The following EIPR1 variants were observed in gnomAD, a reference collection of about 807,000 sequenced individuals.
EIPR1 encodes the protein EARP and GARP complex-interacting protein 1.
A neutral mutation model predicts 48.1 loss-of-function variants in EIPR1; 25 were observed. The observed-to-expected ratio is 0.52, with a 90% CI of 0.38 to 0.73. EIPR1 has a LOEUF of 0.73. Among genes scored for constraint, EIPR1 ranks in the 30% least tolerant of loss-of-function variants. The pLI is 0.00. For synonymous variants in EIPR1, 204 were observed against 201.9 expected (o/e 1.01, Z -0.09); for missense variants, 415 against 506.2 (o/e 0.82, Z 1.73).
intron 1 of EIPR1, 137 bp downstream of exon 1, chr2:3,377,511 C>T (rs1413787276): frequency 1.7e-6 from 2 of 1,184,608 alleles, no homozygotes; most frequent in African/African-American, 1.5e-5. Flanking sequence ...GTTTACTTCT[C>T]TGCAAAATGG....
rs142043072 is a variant in EIPR1 at position 3,354,602 on chromosome 2, G to A, written c.74C>T (p.Thr25Ile). The A allele has an allele frequency of 2.4e-5, 39 of 1,614,100 alleles. No homozygotes were observed. The African/African-American group carries it at 4.9e-4, about 20-fold the overall frequency. ...CCCAACCAAAAACCGAATGGCATCT[G>A]TTTCTGCAGTTTGAGGTGTTAAGGC... ...ARALTPQTAE[T>I]DAIRFLVGTQ... Residue 25 changes from threonine (T) to isoleucine (I), a missense_variant, in exon 2 of 9, where the codon ACA becomes ATA. By Grantham distance (89) the Thr-to-Ile change is moderately conservative. Transcript: ENST00000382125.
chr2:3,373,641 G>T (rs1659769474), intron 1 of EIPR1, among the ~76,000 whole-genome samples: 2 of 152,244 alleles, frequency 1.3e-5, no homozygotes, highest in Non-Finnish European at 2.9e-5. Context: ...GCTTCAAAGA[G>T]AATAAAATAC....
intron 4 of EIPR1, among the ~76,000 whole-genome samples, chr2:3,219,014 C>G (rs554139141): frequency 1.3e-5 from 2 of 149,884 alleles, no homozygotes; most frequent in East Asian, 2.0e-4. Flanking sequence ...ACACTCAACA[C>G]GACCCTGGTA....
chr2:3,260,869 C>A (rs542185428), intron 3 of EIPR1, among the ~76,000 whole-genome samples: 15 of 152,304 alleles, frequency 9.8e-5, no homozygotes, highest in South Asian at 6.2e-4. Context: ...AAAAGACCAA[C>A]AATAGCAAGT....
chr2:3,248,057 G>A (rs936825611), intron 4 of EIPR1, among the ~76,000 whole-genome samples: 2 of 152,018 alleles, frequency 1.3e-5, no homozygotes, highest in Non-Finnish European at 2.9e-5. Flanking sequence ...GGAGGTATTG[G>A]GGCATGGGGG....
At position 3,192,547 on chromosome 2, in the gene EIPR1, G is replaced by C. The variant is rs1349410276; in HGVS notation, c.856C>G (p.Gln286Glu). The change falls in exon 8 of 9, where the codon CAG becomes GAG. Residue 286 changes from glutamine (Q) to glutamate (E), a missense_variant. Gln to Glu is a conservative substitution (Grantham distance 29). Transcript: ENST00000382125. ...TCACTGCTGCCCGTGAGGACCAGCT[G>C]GTCATGAGAGTGGTTGTAGCGGACG... is the stretch of plus-strand genomic sequence containing the variant. The part of the protein sequence containing the change: ...WNVRYNHSHD[Q>E]LVLTGSSDSR... 6.2e-7 allele frequency: 1 copy of C among 1,612,610 alleles called. No individual in the cohort carries two copies. Among genetic ancestry groups the C allele is most frequent in the Non-Finnish European group, 8.5e-7 (1 of 1,179,756 alleles).
chr2:3,347,368 AG>A (rs1282257226), intron 2 of EIPR1, among the ~76,000 whole-genome samples: 2 of 152,144 alleles, frequency 1.3e-5, no homozygotes, highest in African/African-American at 4.8e-5. Flanking sequence ...TCATGGGGGC[AG>A]TTCTTTCCCA....
At chr2:3,289,965 G>A (rs1030834600) in intron 3 of EIPR1, among the ~76,000 whole-genome samples, 3 of 152,248 alleles carry the variant, frequency 2.0e-5, no homozygotes, top group African/African-American at 7.2e-5. Context: ...GTCGCTCACA[G>A]AACCACACAA....
At chr2:3,305,940 G>A (rs994843277) in intron 3 of EIPR1, among the ~76,000 whole-genome samples, 1 of 123,578 alleles carries the variant, frequency 8.1e-6, no homozygotes, top group Non-Finnish European at 1.8e-5. Context: ...CCATCATCAC[G>A]CCAATTCTAT....
intron 2 of EIPR1, among the ~76,000 whole-genome samples, chr2:3,342,312 T>C (rs1051989604): frequency 2.6e-5 from 4 of 152,264 alleles, no homozygotes; most frequent in Non-Finnish European, 4.4e-5. Flanking sequence ...CAAGGTGATA[T>C]AGCAAATTAG....
intron 3 of EIPR1, among the ~76,000 whole-genome samples, chr2:3,316,134 C>CT (rs200636610): frequency 1.2e-4 from 16 of 132,622 alleles, no homozygotes; most frequent in African/African-American, 3.8e-4. Flanking sequence ...TACACACCCC[C>CT]ACCACCATCA....
intron 4 of EIPR1, among the ~76,000 whole-genome samples, chr2:3,233,823 C>T (rs891573432): frequency 3.9e-5 from 6 of 152,200 alleles, no homozygotes; most frequent in African/African-American, 1.4e-4. Context: ...AGAATTACAG[C>T]AATAGAGAAG....
chr2:3,284,570 C>T (rs1668119585), intron 3 of EIPR1, among the ~76,000 whole-genome samples: 1 of 152,260 alleles, frequency 6.6e-6, no homozygotes, highest in African/African-American at 2.4e-5. Context: ...TACTCAATCT[C>T]TATTATGTGC....
chr2:3,242,951 C>T (rs1215950959), intron 4 of EIPR1, among the ~76,000 whole-genome samples: 4 of 152,156 alleles, frequency 2.6e-5, no homozygotes, highest in African/African-American at 9.7e-5. Context: ...CCCAGGCTCC[C>T]TTTGATCAAA....
intron 3 of EIPR1, among the ~76,000 whole-genome samples, chr2:3,329,352 G>A (rs1029817735): frequency 1.2e-4 from 18 of 148,434 alleles, no homozygotes; most frequent in African/African-American, 2.0e-4. Context: ...TAATGATCTC[G>A]GGATGCCAGC....
At chr2:3,338,234 C>G in intron 2 of EIPR1, 85 bp from the exon 3 acceptor site, 1 of 1,507,114 alleles carries the variant, frequency 6.6e-7, no homozygotes, top group Non-Finnish European at 9.0e-7. Flanking sequence ...AAAGAATAGT[C>G]ACATGCACAT....
intron 4 of EIPR1, 100 bp downstream of exon 4, chr2:3,257,199 G>A (rs557915572): frequency 7.0e-5 from 91 of 1,307,372 alleles, no homozygotes; most frequent in African/African-American, 9.0e-5. Flanking sequence ...GAGCGTTTCC[G>A]AGGTGTGGAC....
chr2:3,295,453 GC>G (rs1668534609), intron 3 of EIPR1, among the ~76,000 whole-genome samples: 1 of 111,210 alleles, frequency 9.0e-6, no homozygotes, highest in Non-Finnish European at 1.8e-5. Flanking sequence ...CCTCCATCCA[GC>G]CCATCCTCTC....
chr2:3,292,490 G>A (rs777490769), intron 3 of EIPR1, among the ~76,000 whole-genome samples: 2 of 152,104 alleles, frequency 1.3e-5, no homozygotes, highest in South Asian at 2.1e-4. Flanking sequence ...ACAGACAGCC[G>A]GCTCTGCGCA....
Sources: allele counts gnomAD v4.1 joint callset (sites outside exome capture counted in the v4.1 genomes callset), GRCh38; gene constraint gnomAD v4.1.1; transcripts MANE v1.5; gene names NCBI Gene and HGNC (gene_info 2026-07-23, HGNC 2026-07-21).